ZEB1: variants seen among roughly 807,000 people sequenced by gnomAD.
ZEB1 encodes zinc finger E-box binding homeobox 1, also known as zinc finger E-box-binding homeobox 1.
A neutral mutation model predicts 84.9 loss-of-function variants in ZEB1; 21 were observed. That is an observed-to-expected ratio of 0.25 (90% CI 0.18 to 0.36). The LOEUF is 0.36. Among genes scored for constraint, ZEB1 ranks in the 10% least tolerant of loss-of-function variants. ZEB1 has a pLI of 1.00. For synonymous variants in ZEB1, 420 were observed against 471.1 expected (o/e 0.89, Z 1.41); for missense variants, 1,104 against 1,330.2 (o/e 0.83, Z 2.65).
chr10:31,497,801 A>T (rs1308641548), intron 3 of ZEB1, among the ~76,000 whole-genome samples: 1 of 152,084 alleles, frequency 6.6e-6, no homozygotes, highest in East Asian at 1.9e-4. Context: ...AATTCATTGA[A>T]AACATCCTTT....
intron 1 of ZEB1, among the ~76,000 whole-genome samples, chr10:31,432,812 A>T (rs951753940): frequency 8.5e-5 from 13 of 152,228 alleles, no homozygotes; most frequent in African/African-American, 3.1e-4. Context: ...CTACATGTTA[A>T]CATAAAATAT....
chr10:31,470,174 A>G lies in ZEB1; in HGVS notation c.259+8937A>G, dbSNP rs1184818729. 2.0e-5 allele frequency among the ~76,000 whole-genome samples: 3 copies of G among 152,268 alleles called. 1 individual carries two copies. The highest frequency in any genetic ancestry group is 3.8e-4 in the East Asian group (2 of 5,208). The stretch of plus-strand genomic sequence containing the variant: ...AGAGCGCCTCTCCTCCTCCAAAGGA[A>G]CGCAATTCCTCACCAGCAATGGAAC... On this transcript the variant is annotated intron_variant, in intron 2 of 8. Transcript: ENST00000424869.
At chr10:31,355,055 G>A (rs1412109035) in intron 1 of ZEB1, 2 of 152,002 alleles carry the variant, frequency 1.3e-5, no homozygotes, top group East Asian at 1.9e-4. Context: ...GATATCTTTG[G>A]TAAGACTCCT....
At chr10:31,327,993 A>G (rs900303068) in intron 1 of ZEB1, among the ~76,000 whole-genome samples, 1 of 151,538 alleles carries the variant, frequency 6.6e-6, no homozygotes, top group African/African-American at 2.4e-5. Context: ...CTCTTTTTGG[A>G]TAGATTTCCA....
At chr10:31,362,999 G>A (rs531556595) in intron 1 of ZEB1, 2 of 1,534,022 alleles carry the variant, frequency 1.3e-6, no homozygotes, top group South Asian at 2.4e-5. Flanking sequence ...TTTGCCGGTG[G>A]GGGCCGCTCG....
At chr10:31,505,271 T>C (rs1310109747) in intron 4 of ZEB1, among the ~76,000 whole-genome samples, 6 of 152,062 alleles carry the variant, frequency 3.9e-5, no homozygotes, top group Admixed American at 6.5e-5. Flanking sequence ...CATCTTTCTC[T>C]GGTTTTGGTA....
At position 31,452,472 on chromosome 10, in the gene ZEB1, C is replaced by A. The variant is rs76012702; in HGVS notation, c.59-8565C>A. Among the ~76,000 whole-genome samples, 988 of 152,158 alleles carry A rather than the reference C, an allele frequency of 6.5e-3. 41 individuals carry two copies. The highest frequency in any genetic ancestry group is 0.051 in the Admixed American group (775 of 15,264). ...ATTATATGCAGAAGTTTTCTCTGAT[C>A]CTATGAATTACCACATGACCTCTCC... On this transcript the variant is annotated intron_variant, in intron 1 of 8. Transcript: ENST00000424869.
At chr10:31,443,412 C>CT (rs370787584) in intron 1 of ZEB1, among the ~76,000 whole-genome samples, 7,007 of 142,992 alleles carry the variant, frequency 0.049, 367 homozygotes, top group African/African-American at 0.12. Context: ...ATATTTTCTT[C>CT]TTTTTTTTTT....
Position 31,391,268 on chromosome 10 carries a change from TGTGTGTGTGA to T in ZEB1, c.59-69767_59-69758del, listed in dbSNP as rs1212956417. Among the ~76,000 whole-genome samples, 2,200 of 146,610 alleles carry T rather than the reference TGTGTGTGTGA, an allele frequency of 0.015. 99 individuals carry two copies. The East Asian group carries it at 0.16, about 11-fold the overall frequency. ...GTGTGTGTGTGTGTGTGTGTGTGTGTGTGTGTGTGAGATCCAATAATTATTTCTAAATAAG... is the reference window on the plus strand; with the variant it reads ...GTGTGTGTGTGTGTGTGTGTGTGTGTGATCCAATAATTATTTCTAAATAAG... On this transcript the variant is annotated intron_variant, in intron 1 of 8. Transcript: ENST00000424869.
chr10:31,433,592 A>G (rs2136300399), intron 1 of ZEB1, among the ~76,000 whole-genome samples: 1 of 152,324 alleles, frequency 6.6e-6, no homozygotes, highest in Middle Eastern at 3.4e-3. Context: ...TCCATAAGAC[A>G]TCTGTTATAC....
At chr10:31,498,508 G>A (rs1406960275) in intron 3 of ZEB1, among the ~76,000 whole-genome samples, 1 of 151,754 alleles carries the variant, frequency 6.6e-6, no homozygotes, top group Non-Finnish European at 1.5e-5. Flanking sequence ...CTACATACCA[G>A]GTACCCTACT....
chr10:31,358,475 TGTAGA>T (rs1400183059), intron 1 of ZEB1: 1 of 152,164 alleles, frequency 6.6e-6, no homozygotes, highest in Non-Finnish European at 1.5e-5. Context: ...GACACCTGTC[TGTAGA>T]GTAAACTATG....
In ZEB1 at chr10:31,456,070, T is replaced by C. The variant is rs532514240; in HGVS notation, c.59-4967T>C. Among the ~76,000 whole-genome samples, 90 of 152,328 alleles carry C rather than the reference T, an allele frequency of 5.9e-4. 1 individual carries two copies. Among genetic ancestry groups the C allele is most frequent in the Non-Finnish European group, 9.3e-4 (63 of 68,032 alleles). On this transcript the variant is annotated intron_variant, in intron 1 of 8. Coordinates refer to ENST00000424869, the MANE Select transcript of ZEB1 (RefSeq NM_001174096.2). Reference sequence around the variant, plus strand: ...GGCACATATGCACCATGAAATACTATGCAGCCCTAAAACAGGATGAGTTCC... The same window carrying C: ...GGCACATATGCACCATGAAATACTACGCAGCCCTAAAACAGGATGAGTTCC...
chr10:31,446,834 T>C (rs2059845609), intron 1 of ZEB1, among the ~76,000 whole-genome samples: 1 of 151,268 alleles, frequency 6.6e-6, no homozygotes, highest in Non-Finnish European at 1.5e-5. Flanking sequence ...TACTTCCAAG[T>C]ATGTGGTCAA....
At chr10:31,512,539 C>T (rs2070282157) in intron 5 of ZEB1, among the ~76,000 whole-genome samples, 1 of 152,106 alleles carries the variant, frequency 6.6e-6, no homozygotes, top group Admixed American at 6.5e-5. Flanking sequence ...TTTGCTGGCC[C>T]TTGAGAATCA....
intron 3 of ZEB1, among the ~76,000 whole-genome samples, chr10:31,498,354 G>T (rs149587884): frequency 6.6e-6 from 1 of 152,078 alleles, no homozygotes; most frequent in African/African-American, 2.4e-5. Flanking sequence ...TGCTCTAATA[G>T]TAATACATTT....
At chr10:31,320,481 A>C (rs1361333551) in intron 1 of ZEB1, 1 of 70,746 alleles carries the variant, frequency 1.4e-5, no homozygotes, top group Admixed American at 1.8e-4. Context: ...CTCGGGTGGA[A>C]GGAGGGTGGG....
intron 2 of ZEB1, among the ~76,000 whole-genome samples, chr10:31,468,238 G>A (rs2062692577): frequency 6.6e-6 from 1 of 151,084 alleles, no homozygotes; most frequent in Admixed American, 6.6e-5. Context: ...CAGAGCATGG[G>A]ATGGGACCAC....
intron 1 of ZEB1, among the ~76,000 whole-genome samples, chr10:31,378,914 A>G (rs1049044546): frequency 3.3e-5 from 5 of 152,088 alleles, no homozygotes; most frequent in Admixed American, 2.6e-4. Flanking sequence ...TATTTCTGCC[A>G]TGTACTTTAC....
Sources: allele counts gnomAD v4.1 joint callset (sites outside exome capture counted in the v4.1 genomes callset), GRCh38; gene constraint gnomAD v4.1.1; transcripts MANE v1.5; gene names NCBI Gene and HGNC (gene_info 2026-07-23, HGNC 2026-07-21).